The following ITPKB variants were observed in gnomAD, a reference collection of about 807,000 sequenced individuals.
ITPKB encodes the protein inositol-trisphosphate 3-kinase B.
ITPKB carries 13 observed loss-of-function variants against 69.4 expected under a neutral mutation model. The ratio of observed to expected loss-of-function variants is 0.19; its 90% CI spans 0.12 to 0.30. ITPKB has a LOEUF of 0.30. Among genes scored for constraint, ITPKB ranks in the 10% least tolerant of loss-of-function variants. The pLI is 1.00. For synonymous variants in ITPKB, 584 were observed against 513.7 expected (o/e 1.14, Z -1.85); for missense variants, 1,240 against 1,250.5 (o/e 0.99, Z 0.13).
intron 2 of ITPKB, among the ~76,000 whole-genome samples, chr1:226,730,200 C>A (rs1470767360): frequency 6.6e-6 from 1 of 152,180 alleles, no homozygotes; most frequent in African/African-American, 2.4e-5. Context: ...ATGGACCAGA[C>A]CCATGGGTCT....
In ITPKB at chr1:226,641,792, G is replaced by A. The variant is rs1668967132; in HGVS notation, c.2451+129C>T. 1 of 837,588 alleles carries A rather than the reference G, an allele frequency of 1.2e-6. No individual in the cohort carries two copies. The highest frequency in any genetic ancestry group is 1.7e-5 in the African/African-American group (1 of 58,998). 51.9% of individuals were successfully genotyped at this position (837,588 alleles called of 1,614,324 possible). The stretch of plus-strand genomic sequence containing the variant: ...TGATGTCTCCAAATGTCTGGCCTTG[G>A]GGCGGGCCACCCACATTCTGAGCCT... On this transcript the variant is annotated intron_variant, in intron 5 of 7. Transcript: ENST00000429204. This position sits in a 1 kb window ranked among gnomAD's most constrained non-coding sequence, Gnocchi z 4.6.
chr1:226,737,713 G>A (rs1044700930), intron 1 of ITPKB, 50 bp from the exon 2 acceptor site: 4 of 515,238 alleles, frequency 7.8e-6, no homozygotes, highest in African/African-American at 2.1e-5. Flanking sequence ...CGCGCGGGGG[G>A]AGTTGGGGGT....
intron 2 of ITPKB, among the ~76,000 whole-genome samples, chr1:226,659,303 G>A (rs551000880): frequency 2.6e-5 from 4 of 152,120 alleles, no homozygotes; most frequent in Non-Finnish European, 5.9e-5. Context: ...CAGACGGCAA[G>A]GACAGGGCTC....
At chr1:226,658,619 G>T (rs1669340975) in intron 2 of ITPKB, among the ~76,000 whole-genome samples, 2 of 152,122 alleles carry the variant, frequency 1.3e-5, no homozygotes, top group African/African-American at 4.8e-5. Context: ...TTTCAGAAAA[G>T]ACCCGAGTAA....
At chr1:226,707,138 G>T in intron 2 of ITPKB, 3 of 805,592 alleles carry the variant, frequency 3.7e-6, no homozygotes, top group Non-Finnish European at 4.5e-6. Flanking sequence ...GGACCTAGTA[G>T]AATAATTCAG....
intron 2 of ITPKB, among the ~76,000 whole-genome samples, chr1:226,668,360 G>A (rs768761715): frequency 2.4e-4 from 36 of 152,142 alleles, no homozygotes; most frequent in African/African-American, 6.0e-4. Context: ...CACAGGATTC[G>A]GTATCAGTGG....
chr1:226,736,244 G>C lies in ITPKB; in HGVS notation c.1215C>G (p.Ser405=), dbSNP rs753100856. The C allele has an allele frequency of 3.2e-6, 5 of 1,552,154 alleles. No homozygotes were observed. In the Admixed American group the frequency reaches 9.8e-5, roughly 31 times the overall value. ...ETTVSVQSAE[S]SDSLSWSRLP... is the part of the protein sequence containing the mutation. The stretch of plus-strand genomic sequence containing the variant: ...GCCTGGACCAGCTCAGGGAATCAGA[G>C]GACTCTGCGCTTTGCACGCTCACAG... Residue 405 remains serine, a synonymous_variant, in exon 2 of 8, where the codon TCC becomes TCG. Coordinates refer to ENST00000429204, the MANE Select transcript of ITPKB (RefSeq NM_002221.4).
chr1:226,659,353 C>A (rs1249111714), intron 2 of ITPKB, among the ~76,000 whole-genome samples: 1 of 152,074 alleles, frequency 6.6e-6, no homozygotes, highest in Non-Finnish European at 1.5e-5. Flanking sequence ...CCCTGACCAC[C>A]CATAAGAGGG....
intron 2 of ITPKB, among the ~76,000 whole-genome samples, chr1:226,652,584 C>T (rs945810546): frequency 1.3e-5 from 2 of 152,196 alleles, no homozygotes; most frequent in African/African-American, 2.4e-5. Flanking sequence ...AATCAGACCC[C>T]GTCCCAGGTC....
intron 2 of ITPKB, among the ~76,000 whole-genome samples, chr1:226,675,923 T>C (rs1386800975): frequency 6.6e-6 from 1 of 152,212 alleles, no homozygotes; most frequent in African/African-American, 2.4e-5. Context: ...TTCTGTAGAA[T>C]TTCTGTAGAA....
At chr1:226,701,394 G>A (rs1656632974) in intron 2 of ITPKB, among the ~76,000 whole-genome samples, 1 of 151,738 alleles carries the variant, frequency 6.6e-6, no homozygotes, top group African/African-American at 2.4e-5. Context: ...CACGAGGTCA[G>A]GAGATCGAGA....
intron 2 of ITPKB, among the ~76,000 whole-genome samples, chr1:226,718,512 G>A (rs1657151076): frequency 6.6e-6 from 1 of 151,888 alleles, no homozygotes; most frequent in Non-Finnish European, 1.5e-5. Flanking sequence ...AAGGCGGGAG[G>A]ATCCCTTGAA....
At chr1:226,726,245 C>CA (rs1174536192) in intron 2 of ITPKB, among the ~76,000 whole-genome samples, 1 of 152,122 alleles carries the variant, frequency 6.6e-6, no homozygotes, top group Admixed American at 6.5e-5. Context: ...TTGTTAAGCA[C>CA]AAAAAACATT....
At chr1:226,649,396 G>T (rs1161076964) in intron 2 of ITPKB, among the ~76,000 whole-genome samples, 2 of 144,638 alleles carry the variant, frequency 1.4e-5, no homozygotes, top group Admixed American at 1.4e-4. Flanking sequence ...GTGTGCATGA[G>T]TGTGTGTGCA....
intron 4 of ITPKB, among the ~76,000 whole-genome samples, chr1:226,644,194 A>G (rs1439321920): frequency 6.6e-6 from 1 of 152,190 alleles, no homozygotes; most frequent in Non-Finnish European, 1.5e-5. Flanking sequence ...CCAGGAGAGG[A>G]AAGAGGCTGG....
chr1:226,713,123 C>T (rs1387305661), intron 2 of ITPKB, among the ~76,000 whole-genome samples: 4 of 152,120 alleles, frequency 2.6e-5, no homozygotes, highest in African/African-American at 9.7e-5. Context: ...CACACACATA[C>T]ATACACACTC....
At chr1:226,664,045 C>A (rs967031353) in intron 2 of ITPKB, among the ~76,000 whole-genome samples, 1 of 152,180 alleles carries the variant, frequency 6.6e-6, no homozygotes, top group African/African-American at 2.4e-5. Flanking sequence ...AGTTTTCTAT[C>A]TAAGAGATCT....
At chr1:226,667,410 G>A (rs1322826589) in intron 2 of ITPKB, among the ~76,000 whole-genome samples, 2 of 152,192 alleles carry the variant, frequency 1.3e-5, no homozygotes, top group Admixed American at 6.5e-5. Flanking sequence ...TGTGGGGTCT[G>A]GCTTAAGGGC....
At chr1:226,702,066 G>T (rs374037967) in intron 2 of ITPKB, among the ~76,000 whole-genome samples, 11 of 152,094 alleles carry the variant, frequency 7.2e-5, no homozygotes, top group Non-Finnish European at 1.3e-4. Flanking sequence ...ATTCCACCAG[G>T]TCTATGTTGA....
Sources: gnomAD v4.1 joint callset for allele counts (sites outside exome capture counted in the v4.1 genomes callset) on GRCh38, gnomAD v4.1.1 for gene constraint, Gnocchi (gnomAD v3.1) non-coding constraint, MANE v1.5 for transcripts, NCBI Gene and HGNC (gene_info 2026-07-23, HGNC 2026-07-21) for gene names.